Variants in FBXO22 observed in about 807,000 individuals in gnomAD.
FBXO22 encodes F-box only protein 22.
Under a neutral mutation model 37.2 loss-of-function variants are expected in FBXO22, and 13 were observed. That is an observed-to-expected ratio of 0.35 (90% CI 0.23 to 0.56). The LOEUF is 0.56. Ranked by LOEUF, FBXO22 falls within the 20% of genes least tolerant of loss-of-function variation. FBXO22 has a pLI of 0.87. For missense variants in FBXO22, 446 were observed against 509.9 expected (o/e 0.87, Z 1.21); for synonymous variants, 189 against 189.1 (o/e 1.00, Z 0.00).
Position 75,904,527 on chromosome 15 carries a change from A to G in FBXO22, c.177A>G (p.Val59=). ...CRLWRECVRR[V]LRTHRSVTWI... Reference sequence around the variant, plus strand: ...TATGGAGGGAGTGTGTGCGCAGAGTATTGCGGACCCATCGGAGCGTAACCT... The same window carrying G: ...TATGGAGGGAGTGTGTGCGCAGAGTGTTGCGGACCCATCGGAGCGTAACCT... The change falls in exon 2 of 7, where the codon GTA becomes GTG. Residue 59 remains valine, a synonymous_variant. Coordinates refer to ENST00000308275, the MANE Select transcript of FBXO22 (RefSeq NM_147188.3). 6.2e-7 allele frequency: 1 copy of G among 1,613,892 alleles called. No individual in the cohort carries two copies. Among genetic ancestry groups the G allele is most frequent in the Non-Finnish European group, 8.5e-7 (1 of 1,179,900 alleles).
chr15:75,913,275 C>A lies in FBXO22; in HGVS notation c.352C>A (p.Arg118Ser). 6.2e-7 allele frequency: 1 copy of A among 1,608,122 alleles called. No homozygotes were observed. Among genetic ancestry groups the A allele is most frequent in the South Asian group, 1.1e-5 (1 of 90,952 alleles). Residue 118 changes from arginine to serine, a missense_variant, in exon 3 of 7, where the codon CGT becomes AGT. Transcript: ENST00000308275. ...AACTTTCATTAGTCTGGAAGAGTGT[C>A]GTGGCCATAAGAGAGGTAAATATCA... is the stretch of plus-strand genomic sequence containing the variant. Reference protein sequence around the residue: ...SETFISLEECRGHKRARKRTS... With the variant: ...SETFISLEECSGHKRARKRTS...
rs899645278 is a variant in FBXO22, at chr15:75,939,733, A to G, written c.*6631A>G. On this transcript the variant is annotated 3_prime_UTR_variant, in exon 7 of 7. Transcript: ENST00000308275. ...CTGGAATGCAAGGATTGTTCAACAT[A>G]CAAAAATCAATATAATATACTACAT... 1 of 152,226 alleles carries G rather than the reference A, an allele frequency of 6.6e-6. No individual in the cohort carries two copies. Among genetic ancestry groups the G allele is most frequent in the African/African-American group, 2.4e-5 (1 of 41,464 alleles). 9.4% of individuals were successfully genotyped at this position (152,226 alleles called of 1,614,324 possible).
chr15:75,914,006 G>T, intron 3 of FBXO22, 104 bp from the exon 4 acceptor site: 1 of 768,790 alleles, frequency 1.3e-6, no homozygotes, highest in South Asian at 1.7e-5. Flanking sequence ...GCATTCTCGT[G>T]TTAAATGACT....
chr15:75,931,793 G>C (rs2030028864), intron 6 of FBXO22, among the ~76,000 whole-genome samples: 1 of 152,098 alleles, frequency 6.6e-6, no homozygotes, highest in Admixed American at 6.5e-5. Context: ...CAAAAACAAA[G>C]CATGAGTTTT....
intron 5 of FBXO22, among the ~76,000 whole-genome samples, chr15:75,920,333 C>T (rs1383212387): frequency 2.6e-5 from 4 of 152,134 alleles, no homozygotes; most frequent in Non-Finnish European, 5.9e-5. Context: ...TTGTGTGTTG[C>T]CTGGCAGTCT....
chr15:75,912,398 C>T (rs570409222), intron 2 of FBXO22, among the ~76,000 whole-genome samples: 3 of 152,082 alleles, frequency 2.0e-5, no homozygotes, highest in African/African-American at 7.2e-5. Flanking sequence ...TCGTCTGGTC[C>T]TGGGCTTTTT....
chr15:75,918,184 C>T (rs1356339022), intron 5 of FBXO22, among the ~76,000 whole-genome samples: 1 of 152,084 alleles, frequency 6.6e-6, no homozygotes, highest in Admixed American at 6.5e-5. Context: ...AGATAAACCT[C>T]TGTTATTTGA....
In FBXO22 at chr15:75,933,205, A is replaced by T; in HGVS notation, c.*103A>T. ...TTCAAACAAAAATAACTTTAGATATATCTTTTTTGTAGCTTTGATTGATGC... is the reference window on the plus strand; with the variant it reads ...TTCAAACAAAAATAACTTTAGATATTTCTTTTTTGTAGCTTTGATTGATGC... On this transcript the variant is annotated 3_prime_UTR_variant, in exon 7 of 7. Coordinates refer to ENST00000308275, the MANE Select transcript of FBXO22 (RefSeq NM_147188.3). 1 of 958,196 alleles carries T rather than the reference A, an allele frequency of 1.0e-6. No homozygotes were observed. Among genetic ancestry groups the T allele is most frequent in the Non-Finnish European group, 1.5e-6 (1 of 647,248 alleles). 59.4% of individuals were successfully genotyped at this position (958,196 alleles called of 1,614,324 possible).
intron 5 of FBXO22, among the ~76,000 whole-genome samples, chr15:75,924,753 C>T (rs1900403300): frequency 6.6e-6 from 1 of 152,200 alleles, no homozygotes; most frequent in Non-Finnish European, 1.5e-5. Flanking sequence ...AGACCTAGCA[C>T]TGCTGAGCGT....
chr15:75,938,420 C>G lies in FBXO22; in HGVS notation c.*5318C>G, dbSNP rs1037789144. 6.6e-6 allele frequency: 1 copy of G among 152,004 alleles called. No individual in the cohort carries two copies. Among genetic ancestry groups the G allele is most frequent in the Non-Finnish European group, 1.5e-5 (1 of 67,998 alleles). The allele number at this position is 152,004 out of a possible 1,614,324, so 9.4% of individuals were successfully genotyped here. ...CATACAAAGGAACAGGAAAATAATGCGCATTCAAAAGATCAAAATTAATTG... is the reference window on the plus strand; with the variant it reads ...CATACAAAGGAACAGGAAAATAATGGGCATTCAAAAGATCAAAATTAATTG... On this transcript the variant is annotated 3_prime_UTR_variant, in exon 7 of 7. Coordinates refer to ENST00000308275, the MANE Select transcript of FBXO22 (RefSeq NM_147188.3).
chr15:75,926,119 T>C (rs943522931), intron 5 of FBXO22, among the ~76,000 whole-genome samples: 2 of 152,226 alleles, frequency 1.3e-5, no homozygotes, highest in African/African-American at 4.8e-5. Flanking sequence ...TCTGGAATTG[T>C]TTTTAATGGT....
Position 75,940,488 on chromosome 15 carries a change from C to T in FBXO22, c.*7386C>T, listed in dbSNP as rs2030836693. The T allele has an allele frequency of 1.3e-5, 2 of 150,080 alleles. No homozygotes were observed. The highest frequency in any genetic ancestry group is 1.5e-5 in the Non-Finnish European group (1 of 67,744). The allele number at this position is 150,080 out of a possible 1,614,324, so 9.3% of individuals were successfully genotyped here. A position where few individuals can be genotyped will look rare whatever the true frequency, so the allele number is the denominator to read the frequency against. ...TTTTTTTTGCAGAAATAGAAAAACC[C>T]ATCCTGAATTTCATGTGGAATCTGA... On this transcript the variant is annotated 3_prime_UTR_variant, in exon 7 of 7. Coordinates refer to ENST00000308275, the MANE Select transcript of FBXO22 (RefSeq NM_147188.3).
intron 5 of FBXO22, among the ~76,000 whole-genome samples, chr15:75,925,638 A>G (rs186108743): frequency 9.8e-4 from 147 of 150,178 alleles, no homozygotes; most frequent in African/African-American, 3.4e-3. Flanking sequence ...GAAGTTGCCC[A>G]GCCCTTGAGA....
chr15:75,916,101 A>G (rs1900180263), intron 4 of FBXO22, among the ~76,000 whole-genome samples: 1 of 150,900 alleles, frequency 6.6e-6, no homozygotes, highest in Non-Finnish European at 1.5e-5. Flanking sequence ...TTTTTATACT[A>G]GTAATAGTTA....
At chr15:75,930,758 A>C in intron 6 of FBXO22, 1 of 985,504 alleles carries the variant, frequency 1.0e-6, no homozygotes, top group Non-Finnish European at 1.2e-6. Flanking sequence ...TTCCAGCAGG[A>C]AAATCAGACC....
rs1189408346 is a variant in FBXO22, at chr15:75,904,477, G to A, written c.141-14G>A. The A allele has an allele frequency of 1.2e-6, 2 of 1,613,632 alleles. No individual in the cohort carries two copies. The highest frequency in any genetic ancestry group is 1.6e-4 in the Middle Eastern group (1 of 6,074). Reference sequence around the variant, plus strand: ...AACGTCCGTTCGCAATCCTTTGTGCGTTTGCGTCCTCAGCGTGTGCCGCTT... The same window carrying A: ...AACGTCCGTTCGCAATCCTTTGTGCATTTGCGTCCTCAGCGTGTGCCGCTT... On this transcript the variant is annotated splice_polypyrimidine_tract_variant and intron_variant, in intron 1 of 6. Coordinates refer to ENST00000308275, the MANE Select transcript of FBXO22 (RefSeq NM_147188.3).
At chr15:75,907,375 A>G (rs1471887160) in intron 2 of FBXO22, among the ~76,000 whole-genome samples, 2 of 152,256 alleles carry the variant, frequency 1.3e-5, no homozygotes, top group Admixed American at 1.3e-4. Flanking sequence ...TAAGTTCTCA[A>G]TAGATGTCTA....
intron 6 of FBXO22, chr15:75,930,812 A>C (rs761828873): frequency 1.0e-6 from 1 of 985,144 alleles, no homozygotes; most frequent in African/African-American, 1.7e-5. Context: ...TTTGTTTCCC[A>C]CTCTGTTTAA....
chr15:75,926,651 A>G (rs1330511348), intron 5 of FBXO22, among the ~76,000 whole-genome samples: 4 of 152,210 alleles, frequency 2.6e-5, no homozygotes, highest in Admixed American at 6.5e-5. Flanking sequence ...TTGAGGGCGT[A>G]TCCGGGAAAA....
Sources: gnomAD v4.1 joint callset for allele counts (sites outside exome capture counted in the v4.1 genomes callset) on GRCh38, gnomAD v4.1.1 for gene constraint, MANE v1.5 for transcripts, NCBI Gene and HGNC (gene_info 2026-07-23, HGNC 2026-07-21) for gene names.